The following ADGRD1 variants were observed in gnomAD, a reference collection of about 807,000 sequenced individuals.
ADGRD1 encodes G-protein coupled receptor 133.
In ADGRD1, 77 loss-of-function variants were observed where a neutral mutation model predicts 113.4. The observed-to-expected ratio is 0.68, with a 90% CI of 0.57 to 0.82. The LOEUF is 0.82. Among genes scored for constraint, ADGRD1 ranks in the 40% least tolerant of loss-of-function variants. The pLI is 0.00. For synonymous variants in ADGRD1, 474 were observed against 475.0 expected (o/e 1.00, Z 0.03); for missense variants, 1,036 against 1,139.1 (o/e 0.91, Z 1.30).
chr12:131,052,411 G>A (rs1214475017), intron 13 of ADGRD1, among the ~76,000 whole-genome samples: 1 of 152,178 alleles, frequency 6.6e-6, no homozygotes, highest in Non-Finnish European at 1.5e-5. Flanking sequence ...AGTCCCCAAA[G>A]CGAGCTCTTC....
At chr12:131,066,425 C>T (rs929231716) in intron 13 of ADGRD1, among the ~76,000 whole-genome samples, 5 of 152,160 alleles carry the variant, frequency 3.3e-5, no homozygotes, top group Admixed American at 3.3e-4. Flanking sequence ...GTGGCCCTGT[C>T]CGTTCACTCC....
intron 3 of ADGRD1, chr12:130,969,217 A>G (rs1871339862): frequency 3.2e-6 from 2 of 617,712 alleles, no homozygotes; most frequent in South Asian, 3.9e-5. Flanking sequence ...AGCAGATCCA[A>G]GGTGTTAAAA....
intron 13 of ADGRD1, among the ~76,000 whole-genome samples, chr12:131,018,156 C>T (rs1878860662): frequency 6.6e-6 from 1 of 152,196 alleles, no homozygotes; most frequent in Non-Finnish European, 1.5e-5. Context: ...CAGGGTGCCT[C>T]ACCCAGGGGC....
chr12:131,094,229 T>C (rs1326201356), intron 15 of ADGRD1, among the ~76,000 whole-genome samples: 1 of 152,130 alleles, frequency 6.6e-6, no homozygotes, highest in East Asian at 1.9e-4. Context: ...GCCATGAGTA[T>C]GAGGTCCCTA....
chr12:131,101,220 G>T (rs994972224), intron 15 of ADGRD1, among the ~76,000 whole-genome samples: 1 of 152,036 alleles, frequency 6.6e-6, no homozygotes, highest in African/African-American at 2.4e-5. Flanking sequence ...AGGGCTTTGT[G>T]GGGTGGAGAC....
intron 13 of ADGRD1, among the ~76,000 whole-genome samples, chr12:131,063,666 T>TG (rs1488656060): frequency 6.6e-6 from 1 of 152,244 alleles, no homozygotes; most frequent in African/African-American, 2.4e-5. Flanking sequence ...TCTTGATTAC[T>TG]GTAGCTGTGT....
rs1332923833 is a variant in ADGRD1, at chr12:130,965,161, T to G, written c.104-1302T>G. Among the ~76,000 whole-genome samples, 2 of 152,214 alleles carry G rather than the reference T, an allele frequency of 1.3e-5. No individual in the cohort carries two copies. Among genetic ancestry groups the G allele is most frequent in the Non-Finnish European group, 2.9e-5 (2 of 68,038 alleles). On this transcript the variant is annotated intron_variant, in intron 2 of 24. Coordinates refer to ENST00000261654, the MANE Select transcript of ADGRD1 (RefSeq NM_198827.5). The surrounding 1 kb of genome is among the most constrained non-coding windows in gnomAD (Gnocchi z 4.8). ...ATATTTTCTTTTTGTTGGCTGCACT[T>G]AGGAGAACTCTTCTTTTTTTGTAGC...
intron 13 of ADGRD1, among the ~76,000 whole-genome samples, chr12:131,053,268 C>T (rs139617217): frequency 6.6e-6 from 1 of 152,352 alleles, no homozygotes; most frequent in East Asian, 1.9e-4. Flanking sequence ...CTTCCACTTC[C>T]CTGCCCCGTT....
intron 15 of ADGRD1, among the ~76,000 whole-genome samples, chr12:131,097,838 C>A (rs578166606): frequency 7.9e-5 from 12 of 152,316 alleles, no homozygotes; most frequent in Middle Eastern, 6.8e-3. Context: ...GGACCTAGCC[C>A]GGAGTTCCTG....
intron 13 of ADGRD1, among the ~76,000 whole-genome samples, chr12:131,043,106 A>G (rs1279506105): frequency 6.6e-6 from 1 of 152,140 alleles, no homozygotes; most frequent in East Asian, 1.9e-4. Context: ...CCCAAAGCTG[A>G]GCAAAGAGCA....
chr12:130,980,359 C>G (rs1872811804), intron 4 of ADGRD1, among the ~76,000 whole-genome samples: 1 of 151,934 alleles, frequency 6.6e-6, no homozygotes, highest in Non-Finnish European at 1.5e-5. Context: ...CCGCCTCGGC[C>G]TCCCTAAGTG....
chr12:131,024,002 C>T (rs1253416482), intron 13 of ADGRD1: 1 of 152,224 alleles, frequency 6.6e-6, no homozygotes, highest in Non-Finnish European at 1.5e-5. Flanking sequence ...GGATTTAAGT[C>T]ATTTCTGAAG....
At chr12:131,114,257 G>C (rs1253341735) in intron 18 of ADGRD1, among the ~76,000 whole-genome samples, 1 of 152,200 alleles carries the variant, frequency 6.6e-6, no homozygotes, top group Non-Finnish European at 1.5e-5. Flanking sequence ...TTTTAAGATT[G>C]AGGGATTTTA....
chr12:131,064,650 T>A (rs1349033790), intron 13 of ADGRD1, among the ~76,000 whole-genome samples: 1 of 152,252 alleles, frequency 6.6e-6, no homozygotes, highest in Non-Finnish European at 1.5e-5. Context: ...GCACTTGGTC[T>A]CTTTAAGGAG....
intron 8 of ADGRD1, among the ~76,000 whole-genome samples, chr12:130,997,428 GGGCTCCTC>G: frequency 7.0e-6 from 1 of 143,784 alleles, no homozygotes; most frequent in Non-Finnish European, 1.5e-5. Context: ...CCGGGCGGAG[GGGCTCCTC>G]ACTTCTCAGA....
chr12:130,989,428 A>T (rs1009164805), intron 6 of ADGRD1: 5 of 152,238 alleles, frequency 3.3e-5, no homozygotes, highest in Non-Finnish European at 7.3e-5. Context: ...GACAAGGCAT[A>T]CGACGTAAAG....
In ADGRD1 at chr12:131,108,814, A is replaced by G. The variant is rs772652060; in HGVS notation, c.1978A>G (p.Met660Val). The change falls in exon 18 of 25, where the codon ATG becomes GTG. Residue 660 changes from methionine (M) to valine (V), a missense_variant. Transcript: ENST00000261654. Reference protein sequence around the residue: ...MLVEGLHLYSMVIKVFGSEDS... With the variant: ...MLVEGLHLYSVVIKVFGSEDS... ...GGTGGAGGGGCTGCACCTCTACAGC[A>G]TGGTGATCAAGGTCTTTGGGTCGGA... 3 of 1,499,076 alleles carry G rather than the reference A, an allele frequency of 2.0e-6. No homozygotes were observed. The highest frequency in any genetic ancestry group is 3.6e-5 in the Admixed American group (2 of 56,254). 92.9% of individuals were successfully genotyped at this position (1,499,076 alleles called of 1,614,324 possible).
chr12:131,084,394 C>T lies in ADGRD1; in HGVS notation c.1548-146C>T, dbSNP rs980168218. On this transcript the variant is annotated intron_variant, in intron 14 of 24. Coordinates refer to ENST00000261654, the MANE Select transcript of ADGRD1 (RefSeq NM_198827.5). This position sits in a 1 kb window ranked among gnomAD's most constrained non-coding sequence, Gnocchi z 4.5. ...ATCTCTCCTCCCAACCCCCACACCA[C>T]GGTCTGGGTGTGCATTCCTGGCGTG... 1.0e-5 allele frequency: 8 copies of T among 776,650 alleles called. No homozygotes were observed. Among genetic ancestry groups the T allele is most frequent in the Admixed American group, 2.1e-5 (1 of 46,690 alleles). The allele number at this position is 776,650 out of a possible 1,614,324, so 48.1% of individuals were successfully genotyped here.
intron 18 of ADGRD1, among the ~76,000 whole-genome samples, chr12:131,115,415 G>A (rs768011574): frequency 2.0e-5 from 3 of 152,208 alleles, no homozygotes; most frequent in South Asian, 2.1e-4. Flanking sequence ...CTGTGCCCGC[G>A]TGTGGGGCAT....
Sources: gnomAD v4.1 joint callset for allele counts (sites outside exome capture counted in the v4.1 genomes callset) on GRCh38, gnomAD v4.1.1 for gene constraint, Gnocchi (gnomAD v3.1) non-coding constraint, MANE v1.5 for transcripts, NCBI Gene and HGNC (gene_info 2026-07-23, HGNC 2026-07-21) for gene names.